OAT: variants seen among roughly 807,000 people sequenced by gnomAD.
OAT encodes ornithine aminotransferase, mitochondrial.
OAT carries 35 observed loss-of-function variants against 48.4 expected under a neutral mutation model. The ratio of observed to expected loss-of-function variants is 0.72; its 90% CI spans 0.55 to 0.96. The LOEUF is 0.96. OAT is among the 40% of genes least tolerant of loss of function. OAT has a pLI of 0.00. For missense variants in OAT, 438 were observed against 537.9 expected, an observed-to-expected ratio of 0.81 and a Z score of 1.84; for synonymous variants, 182 against 198.4, an observed-to-expected ratio of 0.92 and a Z score of 0.70.
Position 124,397,929 on chromosome 10 carries a change from C to T in OAT, c.*13G>A, listed in dbSNP as rs752694292. On this transcript the variant is annotated 3_prime_UTR_variant, in exon 10 of 10. Transcript: ENST00000368845. ...GCTGGCTCCCAGGGACCACTGAAAA[C>T]AGCTGGCTACCCTCAGAAAGACAAG... is the stretch of plus-strand genomic sequence containing the variant. 1.9e-6 allele frequency: 3 copies of T among 1,613,624 alleles called. No homozygotes were observed. The highest frequency in any genetic ancestry group is 2.2e-5 in the South Asian group (2 of 91,072).
chr10:124,402,048 G>GTTATTTATTTATTTATTTATTTAT (rs561875325), intron 7 of OAT, among the ~76,000 whole-genome samples: 1,935 of 151,292 alleles, frequency 0.013, 43 homozygotes, highest in African/African-American at 0.045. Context: ...CACCACACAT[G>GTTATTTATTTATTTATTTATTTAT]TTATTTATTT....
intron 1 of OAT, among the ~76,000 whole-genome samples, chr10:124,416,233 TGCA>T (rs1951915229): frequency 6.6e-6 from 1 of 152,184 alleles, no homozygotes; most frequent in African/African-American, 2.4e-5. Context: ...AAATTCACTT[TGCA>T]TTCCTAGAAC....
chr10:124,406,968 C>A (rs1299280020), intron 4 of OAT: 1 of 985,268 alleles, frequency 1.0e-6, no homozygotes. Context: ...AGGAAAGACA[C>A]CATGTAAAAT....
At chr10:124,403,484 G>A in intron 6 of OAT, 1 of 440,470 alleles carries the variant, frequency 2.3e-6, no homozygotes, top group South Asian at 2.1e-5. Context: ...ATACAACAAA[G>A]GGCTTGCGGG....
At position 124,408,571 on chromosome 10, in the gene OAT, T is replaced by A; in HGVS notation, c.491A>T (p.Gln164Leu). Residue 164 changes from glutamine to leucine, a missense_variant, in exon 4 of 10, where the codon CAG becomes CTG. Transcript: ENST00000368845. ...AAAAACAATCTTTGCTTTGTATTTC[T>A]GAATGCCCTTCACGGTATAGCCCCA... is the stretch of plus-strand genomic sequence containing the variant. ...RKWGYTVKGI[Q>L]KYKAKIVFAA... The A allele has an allele frequency of 6.2e-7, 1 of 1,612,348 alleles. No individual in the cohort carries two copies. Among genetic ancestry groups the A allele is most frequent in the Non-Finnish European group, 8.5e-7 (1 of 1,179,700 alleles).
Position 124,418,901 on chromosome 10 carries a change from A to C in OAT, c.-58T>G, listed in dbSNP as rs965811729. 6.6e-5 allele frequency: 10 copies of C among 152,244 alleles called. No homozygotes were observed. The highest frequency in any genetic ancestry group is 2.9e-5 in the Non-Finnish European group (2 of 68,108). 9.4% of individuals were successfully genotyped at this position (152,244 alleles called of 1,614,324 possible). The stretch of plus-strand genomic sequence containing the variant: ...ACAGCGCCTGAGGACAACCGGGTAC[A>C]CGCGGCGTCTATGAAGCGCAACAGT... On this transcript the variant is annotated 5_prime_UTR_variant, in exon 1 of 10. Coordinates refer to ENST00000368845, the MANE Select transcript of OAT (RefSeq NM_000274.4).
intron 9 of OAT, among the ~76,000 whole-genome samples, chr10:124,399,431 C>T (rs190173075): frequency 1.3e-5 from 2 of 150,984 alleles, no homozygotes; most frequent in African/African-American, 4.9e-5. Context: ...CTGCAAGCTC[C>T]ACCTCCCAGG....
chr10:124,397,961 T>G lies in OAT; in HGVS notation c.1301A>C (p.Lys434Thr), dbSNP rs2134439801. 2 of 1,613,864 alleles carry G rather than the reference T, an allele frequency of 1.2e-6. No individual in the cohort carries two copies. Among genetic ancestry groups the G allele is most frequent in the Admixed American group, 3.3e-5 (2 of 60,014 alleles). ...CTACCCTCAGAAAGACAAGATGGTC[T>G]TGTTAATAATTTCAATGGACTCTCG... is the stretch of plus-strand genomic sequence containing the variant. Reference protein sequence around the residue: ...ELRESIEIINKTILSF With the variant: ...ELRESIEIINTTILSF Residue 434 changes from lysine to threonine, a missense_variant, in exon 10 of 10, where the codon AAG becomes ACG. Lys to Thr is a moderately conservative substitution (Grantham distance 78). Transcript: ENST00000368845.
At chr10:124,414,897 G>C (rs1270579042) in intron 1 of OAT, 1 of 151,632 alleles carries the variant, frequency 6.6e-6, no homozygotes, top group Non-Finnish European at 1.5e-5. Context: ...GGGCAACATA[G>C]GGAGACCCCA....
chr10:124,400,913 C>T lies in OAT; in HGVS notation c.1086G>A (p.Lys362=). 1 of 1,608,952 alleles carries T rather than the reference C, an allele frequency of 6.2e-7. No individual in the cohort carries two copies. Among genetic ancestry groups the T allele is most frequent in the Non-Finnish European group, 8.5e-7 (1 of 1,177,048 alleles). ...LGIILRNELM[K]LPSDVVTAVR... ...CGGCAGTTACAACATCAGAAGGTAGCTTCATGAGTTCATTTCTCAAGATAA... is the reference window on the plus strand; with the variant it reads ...CGGCAGTTACAACATCAGAAGGTAGTTTCATGAGTTCATTTCTCAAGATAA... The change falls in exon 9 of 10, where the codon AAG becomes AAA. Residue 362 remains lysine, a synonymous_variant. Transcript: ENST00000368845.
chr10:124,401,095 GA>G lies in OAT; in HGVS notation c.1015-112del, dbSNP rs1363424761. On this transcript the variant is annotated intron_variant, in intron 8 of 9. Coordinates refer to ENST00000368845, the MANE Select transcript of OAT (RefSeq NM_000274.4). ...AACATGACTAGATAAAATACCAGAG[GA>G]ACTTAACTTTCATTGCTATTTTTCA... 28 of 692,458 alleles carry G rather than the reference GA, an allele frequency of 4.0e-5. No homozygotes were observed. The African/African-American group carries it at 4.7e-4, about 12-fold the overall frequency. 42.9% of individuals were successfully genotyped at this position (692,458 alleles called of 1,614,324 possible).
At chr10:124,418,378 G>T (rs1010804049) in intron 1 of OAT, among the ~76,000 whole-genome samples, 3 of 152,168 alleles carry the variant, frequency 2.0e-5, no homozygotes, top group Non-Finnish European at 4.4e-5. Flanking sequence ...TCCCCAGAAC[G>T]CAGCCTCCCC....
At position 124,402,956 on chromosome 10, in the gene OAT, C is replaced by A; in HGVS notation, c.871G>T (p.Gly291Ter). 1 of 1,614,074 alleles carries A rather than the reference C, an allele frequency of 6.2e-7. No homozygotes were observed. The highest frequency in any genetic ancestry group is 8.5e-7 in the Non-Finnish European group (1 of 1,180,012). The change falls in exon 7 of 10, where the codon GGA (glycine) becomes TGA (stop). Residue 291 changes from glycine to a stop codon, truncating the protein, a stop_gained. Coordinates refer to ENST00000368845, the MANE Select transcript of OAT (RefSeq NM_000274.4). LOFTEE classifies it high-confidence loss of function. ...ENVRPDIVLL[G>*]KALSGGLYPV... Reference sequence around the variant, plus strand: ...TATAAGCCCCCAGAAAGGGCCTTTCCAAGGAGGACTATATCAGGTCTGACA... The same window carrying A: ...TATAAGCCCCCAGAAAGGGCCTTTCAAAGGAGGACTATATCAGGTCTGACA...
chr10:124,417,273 A>G (rs1463428273), intron 1 of OAT, among the ~76,000 whole-genome samples: 1 of 151,164 alleles, frequency 6.6e-6, no homozygotes, highest in African/African-American at 2.4e-5. Context: ...TGTAAACCCA[A>G]AACTATAAGC....
At chr10:124,400,248 G>A (rs1255754402) in intron 9 of OAT, among the ~76,000 whole-genome samples, 1 of 151,976 alleles carries the variant, frequency 6.6e-6, no homozygotes, top group East Asian at 1.9e-4. Flanking sequence ...AGGAGATCGA[G>A]ACCACCCTGG....
Position 124,408,116 on chromosome 10 carries a change from C to T in OAT, c.520+426G>A, listed in dbSNP as rs143591438. On this transcript the variant is annotated intron_variant, in intron 4 of 9. Transcript: ENST00000368845. The stretch of plus-strand genomic sequence containing the variant: ...ATATGGAGTTCAGAAAGAAAAATCT[C>T]ATATATGAAGAAATAATCCCAAGAA... 5.4e-3 allele frequency among the ~76,000 whole-genome samples: 819 copies of T among 151,978 alleles called. 6 individuals carry two copies. The highest frequency in any genetic ancestry group is 0.019 in the African/African-American group (782 of 41,468).
rs1589702804 is a variant in OAT at position 124,403,931 on chromosome 10, A to G, written c.649-11T>C. On this transcript the variant is annotated splice_polypyrimidine_tract_variant and intron_variant, in intron 5 of 9. Transcript: ENST00000368845. ...ATCCTGAAGAGCACGCTACAGAAGA[A>G]ACAGGAATAAGTTTTAATAACTTCC... 6.2e-7 allele frequency: 1 copy of G among 1,614,018 alleles called. No homozygotes were observed. The highest frequency in any genetic ancestry group is 1.1e-5 in the South Asian group (1 of 91,080).
chr10:124,411,645 A>G (rs932954062), intron 2 of OAT, among the ~76,000 whole-genome samples: 2 of 151,942 alleles, frequency 1.3e-5, no homozygotes, highest in Admixed American at 1.3e-4. Context: ...GTGAAACCCC[A>G]TCTCTACTAA....
At chr10:124,409,293 C>T (rs77769996) in intron 2 of OAT, among the ~76,000 whole-genome samples, 1,952 of 152,284 alleles carry the variant, frequency 0.013, 42 homozygotes, top group African/African-American at 0.045. Flanking sequence ...GGCAGGGAGC[C>T]GTGGCTCACG....
Sources: gnomAD v4.1 joint callset for allele counts (sites outside exome capture counted in the v4.1 genomes callset) on GRCh38, gnomAD v4.1.1 for gene constraint, MANE v1.5 for transcripts, NCBI Gene and HGNC (gene_info 2026-07-23, HGNC 2026-07-21) for gene names.